Variants in VWA3B observed in about 807,000 individuals in gnomAD.
VWA3B encodes the protein von Willebrand factor A domain-containing protein 3B.
In VWA3B, 138 loss-of-function variants were observed where a neutral mutation model predicts 158.3. That is an observed-to-expected ratio of 0.87 (90% CI 0.76 to 1.00). VWA3B has a LOEUF of 1.00. VWA3B is among the 50% of genes least tolerant of loss of function. VWA3B has a pLI of 0.00. For missense variants in VWA3B, 1,555 were observed against 1,565.1 expected (o/e 0.99, Z 0.11); for synonymous variants, 596 against 587.3 (o/e 1.01, Z -0.21).
chr2:98,257,180 A>G (rs555657271), intron 21 of VWA3B, among the ~76,000 whole-genome samples: 2 of 151,994 alleles, frequency 1.3e-5, no homozygotes, highest in East Asian at 3.9e-4. Flanking sequence ...TTTTGTTTTT[A>G]GCTCCTACAG....
chr2:98,294,650 G>A (rs537829910), intron 23 of VWA3B, among the ~76,000 whole-genome samples: 3 of 152,364 alleles, frequency 2.0e-5, no homozygotes, highest in Non-Finnish European at 4.4e-5. Flanking sequence ...TCATCCTGTT[G>A]TTCTGTGAGA....
At chr2:98,137,518 A>G (rs1676379152) in intron 7 of VWA3B, among the ~76,000 whole-genome samples, 2 of 152,354 alleles carry the variant, frequency 1.3e-5, no homozygotes, top group South Asian at 2.1e-4. Context: ...GACAGGCTCC[A>G]ACAAGACTCT....
At chr2:98,272,663 AACAGT>A (rs1222788311) in intron 22 of VWA3B, among the ~76,000 whole-genome samples, 2 of 152,202 alleles carry the variant, frequency 1.3e-5, no homozygotes, top group Non-Finnish European at 2.9e-5. Flanking sequence ...ACACACAAAG[AACAGT>A]ACTTCAGAGA....
chr2:98,228,282 G>A lies in VWA3B; in HGVS notation c.2100G>A (p.Glu700=), dbSNP rs759184551. The A allele has an allele frequency of 8.7e-6, 14 of 1,614,104 alleles. No homozygotes were observed. Among genetic ancestry groups the A allele is most frequent in the Non-Finnish European group, 1.2e-5 (14 of 1,180,010 alleles). ...AGAAGATGCAAGACCTTTATTCTGA[G>A]TCCTTGATCATGGACTGGTGGTACA... The part of the protein sequence containing the change: ...DLEKMQDLYS[E]SLIMDWWYNA... The change falls in exon 15 of 28, where the codon GAG becomes GAA. Residue 700 remains glutamate (E), a synonymous_variant. Transcript: ENST00000477737.
rs576181162 is a variant in VWA3B at position 98,109,267 on chromosome 2, C to T, written c.197-6385C>T. 9.2e-5 allele frequency among the ~76,000 whole-genome samples: 14 copies of T among 152,280 alleles called. No homozygotes were observed. The East Asian group carries it at 1.5e-3, about 17-fold the overall frequency. On this transcript the variant is annotated intron_variant, in intron 2 of 27. Transcript: ENST00000477737. Reference sequence around the variant, plus strand: ...TTGGCCTCCCAAAGTGCTGGGATTACAGGCGTGAGCCACCGCGCCTGGCTA... The same window carrying T: ...TTGGCCTCCCAAAGTGCTGGGATTATAGGCGTGAGCCACCGCGCCTGGCTA...
At position 98,312,478 on chromosome 2, in the gene VWA3B, T is replaced by G. The variant is rs1020717775; in HGVS notation, c.*129T>G. 2 of 1,194,210 alleles carry G rather than the reference T, an allele frequency of 1.7e-6. No homozygotes were observed. Among genetic ancestry groups the G allele is most frequent in the African/African-American group, 3.1e-5 (2 of 65,224 alleles). 74.0% of individuals were successfully genotyped at this position (1,194,210 alleles called of 1,614,324 possible). On this transcript the variant is annotated 3_prime_UTR_variant, in exon 28 of 28. Coordinates refer to ENST00000477737, the MANE Select transcript of VWA3B (RefSeq NM_144992.5). ...CTCCGCGCCGCCTATGCCTGCCCTG[T>G]CTGTAGCAAAGACTCCTCTCCCCTC...
intron 9 of VWA3B, among the ~76,000 whole-genome samples, chr2:98,186,987 T>C (rs546281375): frequency 6.6e-6 from 1 of 152,182 alleles, no homozygotes; most frequent in Non-Finnish European, 1.5e-5. Context: ...CTCTTTCCTT[T>C]GGCAATATTG....
intron 1 of VWA3B, among the ~76,000 whole-genome samples, chr2:98,090,558 G>T (rs989383791): frequency 6.6e-6 from 1 of 152,124 alleles, no homozygotes; most frequent in Admixed American, 6.5e-5. Context: ...GGCTTATACT[G>T]AGTTTTGATT....
At chr2:98,301,063 G>A (rs1303439068) in intron 25 of VWA3B, among the ~76,000 whole-genome samples, 1 of 152,120 alleles carries the variant, frequency 6.6e-6, no homozygotes, top group Non-Finnish European at 1.5e-5. Flanking sequence ...GGCTGAGGTG[G>A]ACAGATCACA....
intron 25 of VWA3B, among the ~76,000 whole-genome samples, chr2:98,303,291 G>A (rs1690308231): frequency 6.6e-6 from 1 of 152,026 alleles, no homozygotes; most frequent in Non-Finnish European, 1.5e-5. Flanking sequence ...TGGCAGGGTG[G>A]AGGGGGAAGG....
At chr2:98,166,829 A>ACACAC (rs1679120149) in intron 8 of VWA3B, among the ~76,000 whole-genome samples, 3 of 43,756 alleles carry the variant, frequency 6.9e-5, no homozygotes, top group South Asian at 2.0e-3. Flanking sequence ...CACACACTCA[A>ACACAC]ACTAAAACCC....
intron 22 of VWA3B, among the ~76,000 whole-genome samples, chr2:98,275,856 G>C (rs984523043): frequency 6.6e-6 from 1 of 152,202 alleles, no homozygotes; most frequent in Admixed American, 6.5e-5. Context: ...GTAGAAGGGT[G>C]GGTAGAAGTG....
intron 2 of VWA3B, among the ~76,000 whole-genome samples, chr2:98,093,835 AC>A (rs1682528752): frequency 6.6e-6 from 1 of 151,970 alleles, no homozygotes; most frequent in Non-Finnish European, 1.5e-5. Context: ...GCATCACTCT[AC>A]TCGCTACTTC....
chr2:98,295,900 C>T (rs1448107331), intron 23 of VWA3B, among the ~76,000 whole-genome samples: 1 of 152,182 alleles, frequency 6.6e-6, no homozygotes, highest in Non-Finnish European at 1.5e-5. Flanking sequence ...AGAGTGAGGC[C>T]ACATGGGGGC....
At chr2:98,105,871 T>C (rs1251842702) in intron 2 of VWA3B, among the ~76,000 whole-genome samples, 1 of 152,128 alleles carries the variant, frequency 6.6e-6, no homozygotes, top group Non-Finnish European at 1.5e-5. Flanking sequence ...TGGTTGTGCC[T>C]ATATTTCCAG....
intron 8 of VWA3B, among the ~76,000 whole-genome samples, chr2:98,171,735 G>T (rs962406372): frequency 1.3e-5 from 2 of 152,112 alleles, no homozygotes; most frequent in African/African-American, 4.8e-5. Context: ...GAGATGAGGG[G>T]ACAAACAGGA....
chr2:98,105,896 TTTTATTTATTTA>T (rs569443221), intron 2 of VWA3B, among the ~76,000 whole-genome samples: 1 of 151,954 alleles, frequency 6.6e-6, no homozygotes, highest in Admixed American at 6.6e-5. Flanking sequence ...TCTATTTTGT[TTTTATTTATTTA>T]TTTATTTATT....
At chr2:98,195,298 A>T (rs1681949899) in intron 12 of VWA3B, among the ~76,000 whole-genome samples, 1 of 152,192 alleles carries the variant, frequency 6.6e-6, no homozygotes, top group Admixed American at 6.5e-5. Flanking sequence ...TAAAAAGGCA[A>T]ATATGTATCA....
intron 21 of VWA3B, among the ~76,000 whole-genome samples, chr2:98,259,294 C>G (rs1027468158): frequency 6.6e-6 from 1 of 151,680 alleles, no homozygotes; most frequent in Non-Finnish European, 1.5e-5. Flanking sequence ...GAAGTATTCC[C>G]TCATCCATTT....
Sources: gnomAD v4.1 joint callset for allele counts (sites outside exome capture counted in the v4.1 genomes callset) on GRCh38, gnomAD v4.1.1 for gene constraint, MANE v1.5 for transcripts, NCBI Gene and HGNC (gene_info 2026-07-23, HGNC 2026-07-21) for gene names.